Variants in ELMO1 observed in about 807,000 individuals in gnomAD.
ELMO1 encodes the protein engulfment and cell motility 1, also known as engulfment and cell motility protein 1.
Under a neutral mutation model 98.9 loss-of-function variants are expected in ELMO1, and 26 were observed. The observed-to-expected ratio is 0.26, with a 90% CI of 0.19 to 0.36. ELMO1 has a LOEUF of 0.36. Among genes scored for constraint, ELMO1 ranks in the 10% least tolerant of loss-of-function variants. The pLI is 1.00. For missense variants in ELMO1, 627 were observed against 935.2 expected, an observed-to-expected ratio of 0.67 and a Z score of 4.30; for synonymous variants, 346 against 346.0, an observed-to-expected ratio of 1.00 and a Z score of 0.00.
At chr7:37,393,181 A>T (rs1192729266) in intron 1 of ELMO1, among the ~76,000 whole-genome samples, 1 of 152,196 alleles carries the variant, frequency 6.6e-6, no homozygotes, top group African/African-American at 2.4e-5. Flanking sequence ...AATTCACAAG[A>T]AATTGCAGAT....
At chr7:37,333,280 C>G (rs1800231812) in intron 2 of ELMO1, among the ~76,000 whole-genome samples, 1 of 152,226 alleles carries the variant, frequency 6.6e-6, no homozygotes, top group Non-Finnish European at 1.5e-5. Flanking sequence ...AACCTGTTGA[C>G]CTAACAGGAA....
chr7:37,273,927 C>G (rs1481727824), intron 4 of ELMO1, among the ~76,000 whole-genome samples: 1 of 152,210 alleles, frequency 6.6e-6, no homozygotes. Flanking sequence ...CAAAAAGGGG[C>G]AGCCTTCAGG....
rs181488457 is a variant in ELMO1, at chr7:36,860,382, T to C, written c.1983+1277A>G. Among the ~76,000 whole-genome samples the C allele has an allele frequency of 1.0e-3, 153 of 152,370 alleles. 1 individual carries two copies. Among genetic ancestry groups the C allele is most frequent in the African/African-American group, 3.6e-3 (150 of 41,582 alleles). On this transcript the variant is annotated intron_variant, in intron 21 of 21. Transcript: ENST00000310758. ...TGAGAATGTCTGTAATAGAACTTTC[T>C]ATTGTATGGAATAATTATGGAAATA...
At chr7:37,007,467 T>C (rs1198291966) in intron 16 of ELMO1, among the ~76,000 whole-genome samples, 1 of 152,204 alleles carries the variant, frequency 6.6e-6, no homozygotes, top group Non-Finnish European at 1.5e-5. Flanking sequence ...TACAGTCACC[T>C]GCCTCACGCA....
In ELMO1 at chr7:37,014,925, A is replaced by G. The variant is rs534677551; in HGVS notation, c.1301-1490T>C. ...GAATCTACTTAGAATCCTATAGAGC[A>G]GGCCCCCAGTGAACAAACCCTGATC... On this transcript the variant is annotated intron_variant, in intron 15 of 21. Transcript: ENST00000310758. Among the ~76,000 whole-genome samples, 16 of 152,128 alleles carry G rather than the reference A, an allele frequency of 1.1e-4. No homozygotes were observed. In the South Asian group the frequency reaches 3.3e-3, roughly 32 times the overall value.
At chr7:37,142,943 A>C (rs7791176) in intron 13 of ELMO1, among the ~76,000 whole-genome samples, 129,688 of 151,802 alleles carry the variant, frequency 0.85, 56,229 homozygotes, top group Non-Finnish European at 0.93. Flanking sequence ...TTTTGCACCC[A>C]ATATGTCCTT....
chr7:37,105,293 G>C (rs991250749), intron 14 of ELMO1, among the ~76,000 whole-genome samples: 2 of 152,172 alleles, frequency 1.3e-5, no homozygotes, highest in Non-Finnish European at 2.9e-5. Context: ...ATTACTGAGG[G>C]AAGCCAAGCT....
intron 13 of ELMO1, among the ~76,000 whole-genome samples, chr7:37,157,883 C>A (rs530531424): frequency 9.9e-5 from 15 of 152,244 alleles, no homozygotes; most frequent in African/African-American, 3.4e-4. Context: ...CTGGAGGCAT[C>A]ACACTACCAG....
intron 4 of ELMO1, among the ~76,000 whole-genome samples, chr7:37,283,887 C>T (rs1024222498): frequency 6.6e-6 from 1 of 152,304 alleles, no homozygotes. Context: ...TTTGAAGAAC[C>T]CTGGGGGACA....
chr7:37,304,224 A>G (rs1415187332), intron 4 of ELMO1, among the ~76,000 whole-genome samples: 1 of 152,208 alleles, frequency 6.6e-6, no homozygotes, highest in Non-Finnish European at 1.5e-5. Flanking sequence ...TTGAGTCACT[A>G]TGAGCAAAGA....
chr7:37,275,946 T>C (rs1796807048), intron 4 of ELMO1, among the ~76,000 whole-genome samples: 1 of 152,238 alleles, frequency 6.6e-6, no homozygotes, highest in Non-Finnish European at 1.5e-5. Context: ...AAGGCCTAAC[T>C]TGGGATGTAA....
intron 4 of ELMO1, among the ~76,000 whole-genome samples, chr7:37,292,950 C>CCTCCGGGAGGGAGGTGGGGGG (rs1797813724): frequency 1.9e-5 from 1 of 52,904 alleles, no homozygotes; most frequent in Admixed American, 2.3e-4. Context: ...CCAGCCGCCC[C>CCTCCGGGAGGGAGGTGGGGGG]GTCCGGGAAG....
chr7:37,180,602 G>A (rs1359870322), intron 13 of ELMO1, among the ~76,000 whole-genome samples: 13 of 152,138 alleles, frequency 8.5e-5, no homozygotes, highest in Admixed American at 4.6e-4. Flanking sequence ...TGAATTTTGA[G>A]TCATGACTGT....
At chr7:36,869,650 C>T (rs1803343695) in intron 20 of ELMO1, among the ~76,000 whole-genome samples, 1 of 152,182 alleles carries the variant, frequency 6.6e-6, no homozygotes, top group Non-Finnish European at 1.5e-5. Context: ...ATAAACAAAG[C>T]ACTGGCTCCC....
At chr7:37,067,537 T>C (rs550414277) in intron 15 of ELMO1, among the ~76,000 whole-genome samples, 1 of 152,132 alleles carries the variant, frequency 6.6e-6, no homozygotes, top group African/African-American at 2.4e-5. Context: ...CAGTCATCTG[T>C]TTCATCATCA....
intron 1 of ELMO1, among the ~76,000 whole-genome samples, chr7:37,397,434 G>A (rs78736838): frequency 0.052 from 7,952 of 152,292 alleles, 220 homozygotes; most frequent in Admixed American, 0.077. Context: ...AAAGGCATCT[G>A]TAAGACAGCC....
At position 36,870,447 on chromosome 7, in the gene ELMO1, C is replaced by T; in HGVS notation, c.1851G>A (p.Val617=). ...TCATATGAGGGCAGTCCTTTCCCGT[C>T]ACCACGGCTTTGATATCTGCCACCG... ...KLPVADIKAV[V]TGKDCPHMKE... Residue 617 remains valine, a synonymous_variant, in exon 20 of 22, where the codon GTG becomes GTA. Coordinates refer to ENST00000310758, the MANE Select transcript of ELMO1 (RefSeq NM_014800.11). The surrounding 1 kb of genome is among the most constrained non-coding windows in gnomAD (Gnocchi z 4.4). 6.2e-7 allele frequency: 1 copy of T among 1,614,088 alleles called. No individual in the cohort carries two copies. The highest frequency in any genetic ancestry group is 1.6e-4 in the Middle Eastern group (1 of 6,062).
chr7:37,178,475 G>A (rs1039202106), intron 13 of ELMO1, among the ~76,000 whole-genome samples: 8 of 151,266 alleles, frequency 5.3e-5, no homozygotes, highest in Non-Finnish European at 7.4e-5. Context: ...GCATGGTGGC[G>A]CCTGTAGTCC....
intron 14 of ELMO1, among the ~76,000 whole-genome samples, chr7:37,117,837 T>C (rs762890647): frequency 1.3e-5 from 2 of 152,192 alleles, no homozygotes; most frequent in Non-Finnish European, 2.9e-5. Flanking sequence ...GGGGTCCTTG[T>C]TATTCTAAAC....
Sources: allele counts gnomAD v4.1 joint callset (sites outside exome capture counted in the v4.1 genomes callset), GRCh38; gene constraint gnomAD v4.1.1; non-coding constraint Gnocchi (gnomAD v3.1); transcripts MANE v1.5; gene names NCBI Gene and HGNC (gene_info 2026-07-23, HGNC 2026-07-21).